The following RAPGEF6 variants were observed in gnomAD, a reference collection of about 807,000 sequenced individuals.
RAPGEF6 encodes the protein Rap guanine nucleotide exchange factor 6, also known as PDZ domain containing guanine nucleotide exchange factor (GEF) 2.
A neutral mutation model predicts 171.4 loss-of-function variants in RAPGEF6; 56 were observed. That is an observed-to-expected ratio of 0.33 (90% CI 0.26 to 0.41). The LOEUF (loss-of-function observed/expected upper bound fraction) is 0.41, where lower values mean the gene tolerates loss of function less well. Among genes scored for constraint, RAPGEF6 ranks in the 10% least tolerant of loss-of-function variants. The pLI is 1.00. For synonymous variants in RAPGEF6, 692 were observed against 650.1 expected, an observed-to-expected ratio of 1.06 and a Z score of -0.98; for missense variants, 1,674 against 1,921.4, an observed-to-expected ratio of 0.87 and a Z score of 2.41.
intron 7 of RAPGEF6, among the ~76,000 whole-genome samples, chr5:131,518,772 CATT>C (rs774958086): frequency 4.5e-4 from 68 of 152,140 alleles, no homozygotes; most frequent in African/African-American, 1.6e-3. Context: ...TTGATGTTAA[CATT>C]ATTATAAGTT....
At chr5:131,488,233 C>G (rs1345850006) in intron 15 of RAPGEF6, among the ~76,000 whole-genome samples, 1 of 152,140 alleles carries the variant, frequency 6.6e-6, no homozygotes, top group African/African-American at 2.4e-5. Flanking sequence ...ATCTACTTTT[C>G]TGTGTCCCAG....
intron 6 of RAPGEF6, among the ~76,000 whole-genome samples, chr5:131,543,301 CAAAT>C (rs1388650510): frequency 1.3e-5 from 2 of 152,028 alleles, no homozygotes; most frequent in African/African-American, 4.8e-5. Flanking sequence ...AATTTTAAAT[CAAAT>C]AAACTGATTA....
chr5:131,539,394 A>G (rs1424889231), intron 6 of RAPGEF6, among the ~76,000 whole-genome samples: 1 of 152,222 alleles, frequency 6.6e-6, no homozygotes, highest in East Asian at 1.9e-4. Flanking sequence ...TGATTGATCC[A>G]ACAATAGTGC....
At position 131,429,008 on chromosome 5, in the gene RAPGEF6, G is replaced by A. The variant is rs749390609; in HGVS notation, c.4674C>T (p.Leu1558=). The part of the protein sequence containing the change: ...RLPPASLSSN[L]VACVPSKIVT... ...CAATCTTCGATGGAACACAGGCCACGAGGTTGCTACTGAGAGAAGCTGGTG... is the reference window on the plus strand; with the variant it reads ...CAATCTTCGATGGAACACAGGCCACAAGGTTGCTACTGAGAGAAGCTGGTG... Residue 1558 remains leucine (L), a synonymous_variant, in exon 27 of 28, where the codon CTC becomes CTT. Coordinates refer to ENST00000509018, the MANE Select transcript of RAPGEF6 (RefSeq NM_016340.6). 86 of 1,614,050 alleles carry A rather than the reference G, an allele frequency of 5.3e-5. No homozygotes were observed. Among genetic ancestry groups the A allele is most frequent in the Non-Finnish European group, 6.5e-5 (77 of 1,180,028 alleles).
rs114886003 is a variant in RAPGEF6, at chr5:131,479,650, C to G, written c.1944G>C (p.Val648=). The change falls in exon 16 of 28, where the codon GTG becomes GTC. Residue 648 remains valine, a synonymous_variant. Coordinates refer to ENST00000509018, the MANE Select transcript of RAPGEF6 (RefSeq NM_016340.6). The part of the protein sequence containing the change: ...KKSNRHSIQH[V]PGDIEQTSQE... ...GTGATGTCTGTTCAATATCTCCTGG[C>G]ACATGCTGGATAGAATGGCGATTAC... 198 of 1,613,872 alleles carry G rather than the reference C, an allele frequency of 1.2e-4. No individual in the cohort carries two copies. The highest frequency in any genetic ancestry group is 1.6e-4 in the Non-Finnish European group (185 of 1,179,992).
intron 2 of RAPGEF6, among the ~76,000 whole-genome samples, chr5:131,604,111 A>G (rs780043153): frequency 1.3e-5 from 2 of 152,128 alleles, no homozygotes; most frequent in Non-Finnish European, 2.9e-5. Context: ...GCTTAGGCCA[A>G]ATCAAGATTC....
intron 12 of RAPGEF6, among the ~76,000 whole-genome samples, chr5:131,496,241 A>G (rs1756633994): frequency 1.3e-5 from 2 of 152,198 alleles, no homozygotes; most frequent in African/African-American, 4.8e-5. Flanking sequence ...AACACTGTAA[A>G]TTTTCAAACT....
intron 25 of RAPGEF6, 24 bp from the exon 26 acceptor site, chr5:131,431,373 T>C (rs755564565): frequency 1.9e-6 from 3 of 1,554,980 alleles, no homozygotes; most frequent in Non-Finnish European, 2.6e-6. Flanking sequence ...TAACGTACAA[T>C]TAGAAGGCTT....
chr5:131,457,099 T>C (rs1055607771), intron 19 of RAPGEF6, among the ~76,000 whole-genome samples: 4 of 152,222 alleles, frequency 2.6e-5, no homozygotes, highest in Admixed American at 6.5e-5. Flanking sequence ...TCTTGCTCTG[T>C]TGCCCAGGCT....
chr5:131,568,433 C>T (rs1207420285), intron 4 of RAPGEF6, among the ~76,000 whole-genome samples: 1 of 151,898 alleles, frequency 6.6e-6, no homozygotes, highest in East Asian at 1.9e-4. Context: ...TGGGCTCAAG[C>T]TATCCTCTCG....
At chr5:131,606,775 A>C (rs1299063260) in intron 1 of RAPGEF6, among the ~76,000 whole-genome samples, 13 of 152,228 alleles carry the variant, frequency 8.5e-5, no homozygotes, top group Admixed American at 8.5e-4. Context: ...CCCTGAGACC[A>C]CTAATGTTGT....
intron 4 of RAPGEF6, among the ~76,000 whole-genome samples, chr5:131,563,211 T>C (rs1329720998): frequency 1.3e-5 from 2 of 151,820 alleles, no homozygotes; most frequent in Non-Finnish European, 2.9e-5. Flanking sequence ...AAATAAAACA[T>C]ATAAATATTA....
At chr5:131,438,537 T>C (rs1321545044) in intron 24 of RAPGEF6, among the ~76,000 whole-genome samples, 1 of 152,226 alleles carries the variant, frequency 6.6e-6, no homozygotes, top group African/African-American at 2.4e-5. Flanking sequence ...ATTATTTAAA[T>C]ATGTAATTCT....
At chr5:131,488,926 T>TA (rs1165550216) in intron 15 of RAPGEF6, among the ~76,000 whole-genome samples, 1 of 152,194 alleles carries the variant, frequency 6.6e-6, no homozygotes, top group Non-Finnish European at 1.5e-5. Context: ...AAATCTTTCC[T>TA]AAAAGTTTAA....
chr5:131,499,475 G>A (rs1756867524), intron 11 of RAPGEF6, among the ~76,000 whole-genome samples: 1 of 151,510 alleles, frequency 6.6e-6, no homozygotes, highest in East Asian at 1.9e-4. Flanking sequence ...CAGCTACTCA[G>A]GAGGGTGAGG....
chr5:131,588,939 G>A (rs1183585721), intron 4 of RAPGEF6, among the ~76,000 whole-genome samples: 4 of 151,980 alleles, frequency 2.6e-5, no homozygotes, highest in Admixed American at 6.5e-5. Flanking sequence ...GCATGGTGGT[G>A]CATGCCTGTA....
Position 131,426,334 on chromosome 5 carries a change from T to G in RAPGEF6, c.*932A>C, listed in dbSNP as rs765100953. Reference sequence around the variant, plus strand: ...AAAAAAGTATTCCATACTTGAGTTATGAGAGATTTTAGTTTTGGGTTTCTA... The same window carrying G: ...AAAAAAGTATTCCATACTTGAGTTAGGAGAGATTTTAGTTTTGGGTTTCTA... On this transcript the variant is annotated 3_prime_UTR_variant, in exon 28 of 28. Coordinates refer to ENST00000509018, the MANE Select transcript of RAPGEF6 (RefSeq NM_016340.6). 1 of 152,390 alleles carries G rather than the reference T, an allele frequency of 6.6e-6. No homozygotes were observed. Among genetic ancestry groups the G allele is most frequent in the Non-Finnish European group, 1.5e-5 (1 of 68,052 alleles). 9.4% of individuals were successfully genotyped at this position (152,390 alleles called of 1,614,324 possible).
intron 24 of RAPGEF6, among the ~76,000 whole-genome samples, chr5:131,436,533 T>C (rs1752017784): frequency 1.3e-5 from 2 of 152,152 alleles, no homozygotes. Context: ...AAAAATCTAC[T>C]TATATATAAA....
intron 1 of RAPGEF6, among the ~76,000 whole-genome samples, chr5:131,606,053 A>AAAAAAAAAAAT: frequency 7.6e-6 from 1 of 132,012 alleles, no homozygotes; most frequent in Non-Finnish European, 1.5e-5. Context: ...AAAAAAAAAA[A>AAAAAAAAAAAT]GAAAAAGAAA....
Sources: allele counts gnomAD v4.1 joint callset (sites outside exome capture counted in the v4.1 genomes callset), GRCh38; gene constraint gnomAD v4.1.1; transcripts MANE v1.5; gene names NCBI Gene and HGNC (gene_info 2026-07-23, HGNC 2026-07-21).